Variants in TMEM245 observed in about 807,000 individuals in gnomAD.
The protein encoded by TMEM245 is transmembrane protein 245.
A neutral mutation model predicts 101.2 loss-of-function variants in TMEM245; 69 were observed. That is an observed-to-expected ratio of 0.68 (90% CI 0.56 to 0.83). The LOEUF (loss-of-function observed/expected upper bound fraction) is 0.83, where lower values mean the gene tolerates loss of function less well. Ranked by LOEUF, TMEM245 falls within the 40% of genes least tolerant of loss-of-function variation. The probability of loss-of-function intolerance (pLI) is 0.00; values close to 1 mark genes in which losing one functional copy is unlikely to be tolerated. For missense variants in TMEM245, 1,075 were observed against 1,092.8 expected (o/e 0.98, Z 0.23); for synonymous variants, 537 against 449.8 (o/e 1.19, Z -2.45).
intron 14 of TMEM245, among the ~76,000 whole-genome samples, chr9:109,045,576 A>T (rs77285104): frequency 0.01 from 1,597 of 152,296 alleles, 24 homozygotes; most frequent in East Asian, 0.099. Flanking sequence ...AATGCTAACT[A>T]AAAAAATAAC....
rs755399182 is a variant in TMEM245 at position 109,032,365 on chromosome 9, C to CTTTTTTTTTTTTTTTTTTTTTTTTTT, written c.2594+916_2594+941dup. Among the ~76,000 whole-genome samples, 19 of 40,960 alleles carry CTTTTTTTTTTTTTTTTTTTTTTTTTT rather than the reference C, an allele frequency of 4.6e-4. 8 individuals are homozygous for CTTTTTTTTTTTTTTTTTTTTTTTTTT. The highest frequency in any genetic ancestry group is 2.1e-3 in the South Asian group (2 of 940). The allele number at this position is 40,960 out of a possible 152,430, so 26.9% of individuals were successfully genotyped here. ...GCATTTGGTTGTCCTATTTCTTTTC[C>CTTTTTTTTTTTTTTTTTTTTTTTTTT]TTTTTTTTTTTTTTTTTTTTTTTTT... On this transcript the variant is annotated intron_variant, in intron 17 of 17. Coordinates refer to ENST00000374586, the MANE Select transcript of TMEM245 (RefSeq NM_032012.4).
chr9:109,116,529 CT>C lies in TMEM245; in HGVS notation c.579+2805del, dbSNP rs369549941. On this transcript the variant is annotated intron_variant, in intron 1 of 17. Coordinates refer to ENST00000374586, the MANE Select transcript of TMEM245 (RefSeq NM_032012.4). ...CACTGTGCCTGGCCTTTAATCAGCA[CT>C]TTTTTTTTTCTTTTTTTTTGAGACA... Among the ~76,000 whole-genome samples, 68 of 146,998 alleles carry C rather than the reference CT, an allele frequency of 4.6e-4. No homozygotes were observed. In the South Asian group the frequency reaches 9.4e-3, roughly 20 times the overall value.
At chr9:109,072,558 C>G (rs999362111) in intron 9 of TMEM245, among the ~76,000 whole-genome samples, 2 of 152,206 alleles carry the variant, frequency 1.3e-5, no homozygotes, top group African/African-American at 2.4e-5. Flanking sequence ...TTAACCTGTA[C>G]CTGTCTCTTC....
At chr9:109,032,467 C>T (rs1404559478) in intron 17 of TMEM245, among the ~76,000 whole-genome samples, 2 of 142,472 alleles carry the variant, frequency 1.4e-5, no homozygotes, top group African/African-American at 5.1e-5. Context: ...TCACTGCAAC[C>T]TCCACCTCCC....
chr9:109,100,562 C>T (rs1288615774), intron 3 of TMEM245, among the ~76,000 whole-genome samples: 1 of 151,980 alleles, frequency 6.6e-6, no homozygotes, highest in African/African-American at 2.4e-5. Context: ...CTTGACCAGG[C>T]AAGGTTAGTC....
intron 2 of TMEM245, among the ~76,000 whole-genome samples, chr9:109,108,223 G>A (rs1053675614): frequency 6.6e-6 from 1 of 152,006 alleles, no homozygotes; most frequent in African/African-American, 2.4e-5. Flanking sequence ...TTTTTAAGAT[G>A]TATTGACTTT....
At chr9:109,024,039 A>C (rs1464864194) in intron 17 of TMEM245, among the ~76,000 whole-genome samples, 1 of 151,908 alleles carries the variant, frequency 6.6e-6, no homozygotes, top group East Asian at 1.9e-4. Context: ...TTACAAATTC[A>C]TTTCACCCCC....
intron 3 of TMEM245, among the ~76,000 whole-genome samples, chr9:109,104,990 A>T (rs534940131): frequency 1.3e-5 from 2 of 152,362 alleles, no homozygotes; most frequent in South Asian, 4.1e-4. Context: ...CACAAGCAAT[A>T]AAAGAAAAAG....
chr9:109,040,708 G>T (rs1564174732), intron 14 of TMEM245, among the ~76,000 whole-genome samples: 1 of 152,138 alleles, frequency 6.6e-6, no homozygotes, highest in Non-Finnish European at 1.5e-5. Flanking sequence ...GTAGCTTTTG[G>T]TGTTTCTTTC....
chr9:109,069,539 T>C (rs967118691), intron 9 of TMEM245, among the ~76,000 whole-genome samples: 5 of 152,172 alleles, frequency 3.3e-5, no homozygotes, highest in Admixed American at 2.0e-4. Context: ...TGGCCCCTAA[T>C]TTCCCGCCTT....
rs1417455539 is a variant in TMEM245 at position 109,119,458 on chromosome 9, G to C, written c.456C>G (p.Leu152=). Residue 152 remains leucine, a synonymous_variant, in exon 1 of 18, where the codon CTC becomes CTG. Transcript: ENST00000374586. Reference sequence around the variant, plus strand: ...CGTACAGGAGCGGGCCGCCGGCGCCGAGCAGCAGGAGCAGGCGGCGGCGGC... The same window carrying C: ...CGTACAGGAGCGGGCCGCCGGCGCCCAGCAGCAGGAGCAGGCGGCGGCGGC... The part of the protein sequence containing the change: ...ALRRRRLLLL[L]GAGGPLLYGL... 1 of 1,495,160 alleles carries C rather than the reference G, an allele frequency of 6.7e-7. No individual in the cohort carries two copies. Among genetic ancestry groups the C allele is most frequent in the Admixed American group, 2.4e-5 (1 of 42,114 alleles). The allele number at this position is 1,495,160 out of a possible 1,614,324, so 92.6% of individuals were successfully genotyped here.
chr9:109,106,195 A>G (rs1830415842), intron 3 of TMEM245, among the ~76,000 whole-genome samples: 1 of 462 alleles, frequency 2.2e-3, no homozygotes, highest in African/African-American at 6.3e-3. Context: ...ACTGCACTCC[A>G]GCCTGGAAAC....
intron 1 of TMEM245, 129 bp from the exon 2 acceptor site, chr9:109,108,699 G>A (rs1024713772): frequency 8.5e-6 from 5 of 585,894 alleles, no homozygotes; most frequent in African/African-American, 5.7e-5. Context: ...GAAGGTTGAT[G>A]GTGTCAAAGA....
chr9:109,106,714 A>T, intron 2 of TMEM245, 105 bp from the exon 3 acceptor site: 1 of 693,032 alleles, frequency 1.4e-6, no homozygotes. Context: ...TATATATATT[A>T]GTTACAGAAT....
chr9:109,078,190 G>A (rs923755087), intron 8 of TMEM245, among the ~76,000 whole-genome samples: 1 of 152,080 alleles, frequency 6.6e-6, no homozygotes, highest in African/African-American at 2.4e-5. Flanking sequence ...AGTTCTACTT[G>A]CCAGCCCTCT....
intron 10 of TMEM245, among the ~76,000 whole-genome samples, chr9:109,061,563 C>A (rs897913364): frequency 1.3e-5 from 2 of 151,998 alleles, no homozygotes; most frequent in African/African-American, 4.8e-5. Flanking sequence ...TAAGGATATA[C>A]AATAAATCCT....
At chr9:109,047,171 A>C (rs938750281) in intron 14 of TMEM245, among the ~76,000 whole-genome samples, 1 of 152,102 alleles carries the variant, frequency 6.6e-6, no homozygotes, top group Admixed American at 6.6e-5. Flanking sequence ...TCTGGTACCA[A>C]AGGTTGTTAA....
intron 2 of TMEM245, 148 bp downstream of exon 2, chr9:109,108,305 G>T (rs1445383539): frequency 2.4e-6 from 1 of 420,334 alleles, no homozygotes; most frequent in Non-Finnish European, 4.2e-6. Context: ...AAAATTTAAT[G>T]AAAGATTAAA....
intron 3 of TMEM245, among the ~76,000 whole-genome samples, chr9:109,102,018 C>A (rs964388581): frequency 4.0e-5 from 6 of 150,516 alleles, no homozygotes; most frequent in Non-Finnish European, 5.9e-5. Context: ...AAAGGGGAAA[C>A]CATTCTGGCA....
Sources: gnomAD v4.1 joint callset for allele counts (sites outside exome capture counted in the v4.1 genomes callset) on GRCh38, gnomAD v4.1.1 for gene constraint, MANE v1.5 for transcripts, NCBI Gene and HGNC (gene_info 2026-07-23, HGNC 2026-07-21) for gene names.